The following PI4KA variants were observed in gnomAD, a reference collection of about 807,000 sequenced individuals.
PI4KA encodes phosphatidylinositol 4-kinase alpha, also known as PI4-kinase alpha.
PI4KA carries 122 observed loss-of-function variants against 271.4 expected under a neutral mutation model. The ratio of observed to expected loss-of-function variants is 0.45; its 90% CI spans 0.39 to 0.52. The LOEUF (loss-of-function observed/expected upper bound fraction) is 0.52. Among genes scored for constraint, PI4KA ranks in the 20% least tolerant of loss-of-function variants. The probability of loss-of-function intolerance (pLI) is 0.00; values close to 1 mark genes in which losing one functional copy is unlikely to be tolerated. For missense variants in PI4KA, 1,969 were observed against 2,769.1 expected (o/e 0.71, Z 6.48); for synonymous variants, 1,041 against 1,078.8 (o/e 0.96, Z 0.69).
At chr22:20,803,410 C>G in intron 12 of PI4KA, 90 bp from the exon 13 acceptor site, 1 of 1,507,142 alleles carries the variant, frequency 6.6e-7, no homozygotes, top group South Asian at 1.2e-5. Context: ...CCTTCAGTAC[C>G]CAAGTCTGAC....
At chr22:20,708,396 GTACGC>G (rs1485509420) in intron 54 of PI4KA, among the ~76,000 whole-genome samples, 1 of 151,556 alleles carries the variant, frequency 6.6e-6, no homozygotes, top group Non-Finnish European at 1.5e-5. Context: ...CAAGGGGTCT[GTACGC>G]TCTCCTCGCA....
intron 23 of PI4KA, among the ~76,000 whole-genome samples, chr22:20,756,799 T>C (rs1931361004): frequency 6.6e-6 from 1 of 151,948 alleles, no homozygotes; most frequent in South Asian, 2.1e-4. Context: ...CCCAGCTAAT[T>C]TTTGTATTTT....
chr22:20,751,609 CAG>C (rs1930698434), intron 26 of PI4KA, 63 bp downstream of exon 26: 1 of 1,340,306 alleles, frequency 7.5e-7, no homozygotes, highest in Admixed American at 1.7e-5. Flanking sequence ...ACAGGGCGGA[CAG>C]GGCCGGCGGG....
chr22:20,804,748 T>G (rs1249304995), intron 11 of PI4KA, among the ~76,000 whole-genome samples: 1 of 152,154 alleles, frequency 6.6e-6, no homozygotes, highest in Non-Finnish European at 1.5e-5. Context: ...GCCACGGGCA[T>G]CCCCATCCTC....
chr22:20,769,622 T>C (rs1393198472), intron 19 of PI4KA, among the ~76,000 whole-genome samples: 1 of 151,302 alleles, frequency 6.6e-6, no homozygotes, highest in Non-Finnish European at 1.5e-5. Context: ...TGAGCCAAGA[T>C]TGCGCCACTG....
chr22:20,798,526 A>G, intron 17 of PI4KA, 58 bp downstream of exon 17: 1 of 1,057,550 alleles, frequency 9.5e-7, no homozygotes, highest in Non-Finnish European at 1.5e-6. Flanking sequence ...CAAACCTCAC[A>G]TTTTTAAAGT....
intron 42 of PI4KA, among the ~76,000 whole-genome samples, chr22:20,724,601 G>A (rs2147216747): frequency 6.6e-6 from 1 of 152,240 alleles, no homozygotes; most frequent in Admixed American, 6.5e-5. Context: ...GCGAGACTCT[G>A]TCTAAAACAA....
chr22:20,857,055 A>G (rs1409817593), intron 1 of PI4KA, among the ~76,000 whole-genome samples: 1 of 152,234 alleles, frequency 6.6e-6, no homozygotes. Flanking sequence ...AAACAGCACT[A>G]CACTCCATTA....
chr22:20,800,968 G>A lies in PI4KA; in HGVS notation c.1724+1005C>T, dbSNP rs1406566010. On this transcript the variant is annotated intron_variant, in intron 14 of 54. Coordinates refer to ENST00000255882, the MANE Select transcript of PI4KA (RefSeq NM_058004.4). ...TGCAATGGTACAATCTCGGCTCACC[G>A]CAACCTCCGCCTCCCGGGTTCAAGT... 6.1e-5 allele frequency among the ~76,000 whole-genome samples: 9 copies of A among 146,896 alleles called. 1 individual carries two copies. The highest frequency in any genetic ancestry group is 3.4e-4 in the Admixed American group (5 of 14,796).
chr22:20,847,794 T>G (rs952106343), intron 1 of PI4KA, among the ~76,000 whole-genome samples: 41 of 151,632 alleles, frequency 2.7e-4, no homozygotes, highest in Non-Finnish European at 3.8e-4. Flanking sequence ...CAATTTCATT[T>G]AAAATAGCAT....
intron 19 of PI4KA, among the ~76,000 whole-genome samples, chr22:20,775,879 C>T (rs764706027): frequency 2.1e-4 from 32 of 152,118 alleles, no homozygotes; most frequent in Non-Finnish European, 4.1e-4. Flanking sequence ...CTACCAGCTG[C>T]TTACTTTCTT....
chr22:20,725,183 G>A (rs531674234), intron 42 of PI4KA, among the ~76,000 whole-genome samples: 1 of 152,320 alleles, frequency 6.6e-6, no homozygotes, highest in African/African-American at 2.4e-5. Flanking sequence ...AGGACACATG[G>A]AGTCTGCTGC....
intron 19 of PI4KA, among the ~76,000 whole-genome samples, chr22:20,789,455 G>A (rs1363439225): frequency 8.6e-5 from 13 of 151,990 alleles, no homozygotes; most frequent in Admixed American, 7.9e-4. Flanking sequence ...TAAGCCTCCC[G>A]AGTAGCTGGG....
Position 20,718,563 on chromosome 22 carries a change from G to A in PI4KA, c.5246+130C>T, listed in dbSNP as rs555526910. 699 of 1,074,170 alleles carry A rather than the reference G, an allele frequency of 6.5e-4. 2 individuals are homozygous for A. The highest frequency in any genetic ancestry group is 8.7e-4 in the Non-Finnish European group (618 of 713,654). The allele number at this position is 1,074,170 out of a possible 1,614,324, so 66.5% of individuals were successfully genotyped here. On this transcript the variant is annotated intron_variant, in intron 44 of 54. Transcript: ENST00000255882. ...GTCCATCAGAACCACCAGCGGCCCC[G>A]CTGCTAGAGACTCTCATTCATCTGG...
intron 45 of PI4KA, among the ~76,000 whole-genome samples, chr22:20,717,331 G>T (rs1039050632): frequency 6.6e-6 from 1 of 152,204 alleles, no homozygotes; most frequent in African/African-American, 2.4e-5. Context: ...TGGTGCTGAT[G>T]GGTCCCAGCA....
At chr22:20,770,198 GT>G (rs57342421) in intron 19 of PI4KA, among the ~76,000 whole-genome samples, 162 of 143,276 alleles carry the variant, frequency 1.1e-3, no homozygotes, top group South Asian at 2.9e-3. Context: ...TCATGGCCCA[GT>G]TTTTTTTTTT....
At chr22:20,851,160 G>A (rs1246829481) in intron 1 of PI4KA, among the ~76,000 whole-genome samples, 1 of 151,466 alleles carries the variant, frequency 6.6e-6, no homozygotes, top group Admixed American at 6.6e-5. Context: ...TGGAATTTGA[G>A]ACCAGCTTGG....
intron 32 of PI4KA, among the ~76,000 whole-genome samples, chr22:20,739,469 GAAAAAA>G (rs5844434): frequency 7.7e-6 from 1 of 130,552 alleles, no homozygotes; most frequent in Non-Finnish European, 1.7e-5. Flanking sequence ...CTGTCTTCAG[GAAAAAA>G]AAAAAAACAA....
chr22:20,816,449 TA>T (rs1445780886), intron 7 of PI4KA, among the ~76,000 whole-genome samples: 2 of 152,094 alleles, frequency 1.3e-5, no homozygotes, highest in African/African-American at 4.8e-5. Context: ...TCTTAAAAAC[TA>T]AATTCTTACA....
Sources: gnomAD v4.1 joint callset for allele counts (sites outside exome capture counted in the v4.1 genomes callset) on GRCh38, gnomAD v4.1.1 for gene constraint, MANE v1.5 for transcripts, NCBI Gene and HGNC (gene_info 2026-07-23, HGNC 2026-07-21) for gene names.